HS3ST2: variants seen among roughly 807,000 people sequenced by gnomAD.
HS3ST2 encodes the protein heparan sulfate glucosamine 3-O-sulfotransferase 2.
In HS3ST2, 17 loss-of-function variants were observed where a neutral mutation model predicts 26.3. The observed-to-expected ratio is 0.65, with a 90% CI of 0.44 to 0.97. The LOEUF is 0.97. Ranked by LOEUF, HS3ST2 falls within the 50% of genes least tolerant of loss-of-function variation. The probability of loss-of-function intolerance (pLI) is 0.00; values close to 1 mark genes in which losing one functional copy is unlikely to be tolerated. For missense variants in HS3ST2, 402 were observed against 501.2 expected, an observed-to-expected ratio of 0.80 and a Z score of 1.89; for synonymous variants, 237 against 219.2, an observed-to-expected ratio of 1.08 and a Z score of -0.72.
At chr16:22,829,062 G>A (rs1224884235) in intron 1 of HS3ST2, among the ~76,000 whole-genome samples, 4 of 152,212 alleles carry the variant, frequency 2.6e-5, no homozygotes, top group Admixed American at 1.3e-4. Context: ...GTGCAAGCAA[G>A]GTAGTCTCTA....
intron 1 of HS3ST2, among the ~76,000 whole-genome samples, chr16:22,839,684 C>G (rs565847859): frequency 9.2e-5 from 14 of 152,088 alleles, no homozygotes; most frequent in Non-Finnish European, 1.8e-4. Context: ...CTGATATCAG[C>G]CACCCACCTG....
chr16:22,820,228 A>G (rs1195977280), intron 1 of HS3ST2, among the ~76,000 whole-genome samples: 1 of 152,172 alleles, frequency 6.6e-6, no homozygotes, highest in Admixed American at 6.5e-5. Context: ...TAGATATAAT[A>G]CTTAGTGCCA....
chr16:22,895,883 G>A (rs1371415166), intron 1 of HS3ST2, among the ~76,000 whole-genome samples: 1 of 151,934 alleles, frequency 6.6e-6, no homozygotes, highest in African/African-American at 2.4e-5. Flanking sequence ...AGAGACTTGT[G>A]TAGTTTTTCT....
At chr16:22,842,062 CTTT>C (rs11285807) in intron 1 of HS3ST2, among the ~76,000 whole-genome samples, 12,970 of 111,668 alleles carry the variant, frequency 0.12, 495 homozygotes, top group South Asian at 0.2. Flanking sequence ...TCTTTTCTTT[CTTT>C]TTTTTTTTTT....
rs1902478567 is a variant in HS3ST2 at position 22,915,243 on chromosome 16, A to G, written c.785A>G (p.Gln262Arg). Residue 262 changes from glutamine (Q) to arginine (R), a missense_variant, in exon 2 of 2, where the codon CAG becomes CGG. By Grantham distance (43) the Gln-to-Arg change is conservative (BLOSUM62 1). This residue lies in a region of HS3ST2 where 237 missense variants were observed against 346.6 expected (regional missense o/e 0.68). Coordinates refer to ENST00000261374, the MANE Select transcript of HS3ST2 (RefSeq NM_006043.2). ...GTGCTGCACCTGGAGAGCTGGCTGC[A>G]GTACTTCCCGCTAGCTCAGATTCAC... is the stretch of plus-strand genomic sequence containing the variant. ...MYVLHLESWL[Q>R]YFPLAQIHFV... 2.5e-6 allele frequency: 4 copies of G among 1,614,218 alleles called. No homozygotes were observed. Among genetic ancestry groups the G allele is most frequent in the Non-Finnish European group, 3.4e-6 (4 of 1,180,046 alleles).
chr16:22,822,771 C>G (rs1201582674), intron 1 of HS3ST2, among the ~76,000 whole-genome samples: 2 of 151,406 alleles, frequency 1.3e-5, no homozygotes, highest in Admixed American at 6.6e-5. Flanking sequence ...AGGAGAGTTG[C>G]TTGAACCTGG....
chr16:22,822,228 C>T (rs1901004467), intron 1 of HS3ST2, among the ~76,000 whole-genome samples: 1 of 152,102 alleles, frequency 6.6e-6, no homozygotes, highest in Non-Finnish European at 1.5e-5. Flanking sequence ...TGCAGTGGCA[C>T]AGTCAAGGCT....
intron 1 of HS3ST2, among the ~76,000 whole-genome samples, chr16:22,862,421 A>G (rs1397946874): frequency 1.3e-5 from 2 of 152,156 alleles, no homozygotes; most frequent in East Asian, 1.9e-4. Flanking sequence ...GGCACCTGTT[A>G]TACTTGCAAT....
chr16:22,878,484 G>T (rs1443475797), intron 1 of HS3ST2, among the ~76,000 whole-genome samples: 1 of 152,138 alleles, frequency 6.6e-6, no homozygotes, highest in Non-Finnish European at 1.5e-5. Flanking sequence ...TAAGGGAGGA[G>T]TTGAAAGGGA....
At chr16:22,815,129 T>C in intron 1 of HS3ST2, 34 bp downstream of exon 1, 1 of 1,603,226 alleles carries the variant, frequency 6.2e-7, no homozygotes, top group Non-Finnish European at 8.5e-7. Context: ...GTGCGCCGGG[T>C]CTCTGATCGC....
chr16:22,819,351 C>T (rs1331194111), intron 1 of HS3ST2, among the ~76,000 whole-genome samples: 1 of 152,048 alleles, frequency 6.6e-6, no homozygotes, highest in Non-Finnish European at 1.5e-5. Flanking sequence ...AAATGTTTTT[C>T]CAAATCTAAG....
intron 1 of HS3ST2, among the ~76,000 whole-genome samples, chr16:22,888,073 C>A (rs1273592614): frequency 1.3e-5 from 2 of 152,222 alleles, no homozygotes; most frequent in Non-Finnish European, 2.9e-5. Flanking sequence ...TGGGACCAAG[C>A]CTCAGTTTCC....
chr16:22,911,299 A>G (rs1902422514), intron 1 of HS3ST2, among the ~76,000 whole-genome samples: 1 of 152,184 alleles, frequency 6.6e-6, no homozygotes, highest in Non-Finnish European at 1.5e-5. Flanking sequence ...ATGCTATTGA[A>G]ATGATTGTTC....
intron 1 of HS3ST2, among the ~76,000 whole-genome samples, chr16:22,832,058 C>T (rs1196324124): frequency 6.6e-6 from 1 of 151,962 alleles, no homozygotes; most frequent in African/African-American, 2.4e-5. Context: ...TCTCAGCTCA[C>T]TGTAGCCTTG....
chr16:22,833,831 CA>C (rs2141179316), intron 1 of HS3ST2, among the ~76,000 whole-genome samples: 1 of 150,952 alleles, frequency 6.6e-6, no homozygotes, highest in African/African-American at 2.4e-5. Flanking sequence ...AATAAGCAAA[CA>C]AAAAATAAAG....
chr16:22,888,384 T>TTTCTTTTTTTTC lies in HS3ST2; in HGVS notation c.486-26558_486-26557insCTTTTTTTTCTT, dbSNP rs1555514092. Among the ~76,000 whole-genome samples the TTTCTTTTTTTTC allele has an allele frequency of 1.3e-4, 17 of 133,794 alleles. 1 individual carries two copies. Among genetic ancestry groups the TTTCTTTTTTTTC allele is most frequent in the Admixed American group, 4.7e-4 (6 of 12,876 alleles). 87.8% of individuals were successfully genotyped at this position (133,794 alleles called of 152,430 possible). ...TGTCTCTGGCTTTTCTTTTTTTTTTTTTTTTTTTCTTTTTTTTTTTGAGAC... is the reference window on the plus strand; with the variant it reads ...TGTCTCTGGCTTTTCTTTTTTTTTTTTTCTTTTTTTTCTTTTTTTTCTTTTTTTTTTTGAGAC... On this transcript the variant is annotated intron_variant, in intron 1 of 1. Coordinates refer to ENST00000261374, the MANE Select transcript of HS3ST2 (RefSeq NM_006043.2).
At chr16:22,857,321 G>A (rs528886234) in intron 1 of HS3ST2, among the ~76,000 whole-genome samples, 13 of 152,246 alleles carry the variant, frequency 8.5e-5, no homozygotes, top group East Asian at 3.9e-4. Context: ...CCCAACCACC[G>A]TCTTCTTTCT....
intron 1 of HS3ST2, among the ~76,000 whole-genome samples, chr16:22,887,880 G>T (rs1025305035): frequency 6.6e-6 from 1 of 152,116 alleles, no homozygotes. Flanking sequence ...GCTTCTAGGA[G>T]TTCAAGGCTG....
Position 22,814,470 on chromosome 16 carries a change from G to T in HS3ST2, c.-141G>T. On this transcript the variant is annotated 5_prime_UTR_variant, in exon 1 of 2. Coordinates refer to ENST00000261374, the MANE Select transcript of HS3ST2 (RefSeq NM_006043.2). ...GTGCGCACCCTGGTCAGCAGCCCCC[G>T]GAGAAGACGGCGCCCCCAACGCCCG... The T allele has an allele frequency of 1.2e-6, 1 of 839,470 alleles. No individual in the cohort carries two copies. The highest frequency in any genetic ancestry group is 1.7e-6 in the Non-Finnish European group (1 of 580,970). 52.0% of individuals were successfully genotyped at this position (839,470 alleles called of 1,614,324 possible). A position where few individuals can be genotyped will look rare whatever the true frequency, so the allele number is the denominator to read the frequency against.
Sources: gnomAD v4.1 joint callset for allele counts (sites outside exome capture counted in the v4.1 genomes callset) on GRCh38, gnomAD v4.1.1 for gene constraint, gnomAD v4.1.1 regional missense constraint, MANE v1.5 for transcripts, NCBI Gene and HGNC (gene_info 2026-07-23, HGNC 2026-07-21) for gene names.